GALNT17: variants seen among roughly 807,000 people sequenced by gnomAD.
GALNT17 encodes UDP-GalNAc:polypeptide N-acetylgalactosaminyltransferase-like 3.
Under a neutral mutation model 63.7 loss-of-function variants are expected in GALNT17, and 29 were observed. The observed-to-expected ratio is 0.46, with a 90% confidence interval of 0.34 to 0.62. The LOEUF (loss-of-function observed/expected upper bound fraction) is 0.62. Among genes scored for constraint, GALNT17 ranks in the 20% least tolerant of loss-of-function variants. The probability of loss-of-function intolerance (pLI) is 0.01; values close to 1 mark genes in which losing one functional copy is unlikely to be tolerated. For synonymous variants in GALNT17, 305 were observed against 318.3 expected (o/e 0.96, Z 0.45); for missense variants, 603 against 799.6 (o/e 0.75, Z 2.97).
chr7:71,485,218 G>A (rs1787891286), intron 5 of GALNT17, among the ~76,000 whole-genome samples: 1 of 151,826 alleles, frequency 6.6e-6, no homozygotes, highest in African/African-American at 2.4e-5. Flanking sequence ...CGATCCTCCT[G>A]CCTCAGCCTC....
intron 5 of GALNT17, among the ~76,000 whole-genome samples, chr7:71,431,332 T>C (rs1786862879): frequency 6.7e-6 from 1 of 148,648 alleles, no homozygotes; most frequent in African/African-American, 2.5e-5. Flanking sequence ...CGCCTCAGCC[T>C]CCTGAGTAGC....
intron 2 of GALNT17, among the ~76,000 whole-genome samples, chr7:71,379,637 G>A (rs747908263): frequency 1.8e-4 from 28 of 152,106 alleles, no homozygotes; most frequent in Admixed American, 3.9e-4. Flanking sequence ...ATGTTGAGGG[G>A]TCATGACTTG....
chr7:71,321,904 T>TTCCTTCCTTCCTTTCC (rs1791617393), intron 1 of GALNT17, among the ~76,000 whole-genome samples: 1 of 110,044 alleles, frequency 9.1e-6, no homozygotes, highest in Non-Finnish European at 1.9e-5. Flanking sequence ...CCTTCCTTCC[T>TTCCTTCCTTCCTTTCC]TCCTTCCTTC....
intron 6 of GALNT17, among the ~76,000 whole-genome samples, chr7:71,612,527 G>A (rs1394117467): frequency 6.6e-6 from 1 of 152,236 alleles, no homozygotes; most frequent in Non-Finnish European, 1.5e-5. Flanking sequence ...CTGATTAAGT[G>A]TGAGCTTTTT....
chr7:71,184,174 G>T (rs1788788117), intron 1 of GALNT17, among the ~76,000 whole-genome samples: 1 of 152,150 alleles, frequency 6.6e-6, no homozygotes, highest in Non-Finnish European at 1.5e-5. Context: ...AAGAGAGACT[G>T]ACCTCAAAAG....
At chr7:71,344,024 G>A (rs1166758039) in intron 2 of GALNT17, among the ~76,000 whole-genome samples, 5 of 152,080 alleles carry the variant, frequency 3.3e-5, no homozygotes, top group Non-Finnish European at 5.9e-5. Context: ...GTTTGGAGAA[G>A]AGCAAGGCAT....
chr7:71,602,663 G>A lies in GALNT17; in HGVS notation c.1080+31261G>A, dbSNP rs139841563. Among the ~76,000 whole-genome samples, 728 of 152,248 alleles carry A rather than the reference G, an allele frequency of 4.8e-3. 15 individuals are homozygous for A. Among genetic ancestry groups the A allele is most frequent in the African/African-American group, 0.017 (700 of 41,544 alleles). On this transcript the variant is annotated intron_variant, in intron 6 of 10. Coordinates refer to ENST00000333538, the MANE Select transcript of GALNT17 (RefSeq NM_022479.3). Reference sequence around the variant, plus strand: ...TAGCCATGTGGCAGGGGAGGTGACAGGCCAGATCATTTTCAGGCTCCCAGA... The same window carrying A: ...TAGCCATGTGGCAGGGGAGGTGACAAGCCAGATCATTTTCAGGCTCCCAGA...
intron 1 of GALNT17, among the ~76,000 whole-genome samples, chr7:71,242,470 A>G (rs914918192): frequency 5.9e-5 from 9 of 151,640 alleles, no homozygotes; most frequent in East Asian, 2.0e-4. Flanking sequence ...GGGTTTCACC[A>G]TGTTAGCCAG....
At chr7:71,571,032 G>A (rs1025326947) in intron 5 of GALNT17, among the ~76,000 whole-genome samples, 24 of 152,174 alleles carry the variant, frequency 1.6e-4, no homozygotes, top group Non-Finnish European at 2.6e-4. Context: ...GAGAGGAGGT[G>A]TGGGAATTGA....
At chr7:71,637,440 C>G (rs1377623857) in intron 6 of GALNT17, among the ~76,000 whole-genome samples, 1 of 151,580 alleles carries the variant, frequency 6.6e-6, no homozygotes, top group Admixed American at 6.6e-5. Flanking sequence ...CCACCTGCCT[C>G]GGCCTCCCAA....
At chr7:71,539,684 C>A (rs1312429651) in intron 5 of GALNT17, among the ~76,000 whole-genome samples, 1 of 117,580 alleles carries the variant, frequency 8.5e-6, no homozygotes, top group Non-Finnish European at 1.7e-5. Context: ...GGACACATAT[C>A]TATTTCAGGA....
At chr7:71,372,056 C>A (rs1172167890) in intron 2 of GALNT17, among the ~76,000 whole-genome samples, 1 of 152,348 alleles carries the variant, frequency 6.6e-6, no homozygotes, top group East Asian at 1.9e-4. Flanking sequence ...TCATAGCTCA[C>A]TGCCATCTTG....
chr7:71,265,632 T>G (rs1790479751), intron 1 of GALNT17, among the ~76,000 whole-genome samples: 1 of 152,110 alleles, frequency 6.6e-6, no homozygotes, highest in Admixed American at 6.6e-5. Context: ...CCCAAAGTGT[T>G]CTCTTCTAAG....
intron 6 of GALNT17, among the ~76,000 whole-genome samples, chr7:71,606,469 G>A (rs116767102): frequency 0.02 from 2,997 of 152,224 alleles, 110 homozygotes; most frequent in African/African-American, 0.069. Flanking sequence ...TTCCATCTGA[G>A]TGAGTTCCTG....
intron 1 of GALNT17, among the ~76,000 whole-genome samples, chr7:71,251,001 C>G (rs930797658): frequency 6.6e-6 from 1 of 152,120 alleles, no homozygotes; most frequent in African/African-American, 2.4e-5. Flanking sequence ...TAAGCATTTC[C>G]CCAACATGAC....
chr7:71,236,378 G>C (rs1443758165), intron 1 of GALNT17, among the ~76,000 whole-genome samples: 2 of 152,034 alleles, frequency 1.3e-5, no homozygotes, highest in Non-Finnish European at 2.9e-5. Flanking sequence ...AAACTGCTTT[G>C]TCAAGGCCAC....
intron 1 of GALNT17, among the ~76,000 whole-genome samples, chr7:71,191,422 G>A (rs914585122): frequency 1.1e-4 from 16 of 151,896 alleles, no homozygotes; most frequent in Non-Finnish European, 1.2e-4. Flanking sequence ...AATAAATATG[G>A]TAGACTTGCC....
At chr7:71,192,398 C>CT (rs375394634) in intron 1 of GALNT17, among the ~76,000 whole-genome samples, 7,397 of 144,356 alleles carry the variant, frequency 0.051, 572 homozygotes, top group African/African-American at 0.17. Context: ...ATATTTAATT[C>CT]TTTTTTTTTT....
Position 71,308,733 on chromosome 7 carries a change from A to G in GALNT17, c.239-26817A>G, listed in dbSNP as rs115428192. ...GGGCTCTGCTTTGGAAGTGCCTTTC[A>G]TTTCTCTTTAGTTTTTTTTTTTTTT... On this transcript the variant is annotated intron_variant, in intron 1 of 10. Coordinates refer to ENST00000333538, the MANE Select transcript of GALNT17 (RefSeq NM_022479.3). Among the ~76,000 whole-genome samples, 637 of 147,510 alleles carry G rather than the reference A, an allele frequency of 4.3e-3. 6 individuals are homozygous for G. The highest frequency in any genetic ancestry group is 0.015 in the African/African-American group (609 of 39,986).
Sources: gnomAD v4.1 joint callset for allele counts (sites outside exome capture counted in the v4.1 genomes callset) on GRCh38, gnomAD v4.1.1 for gene constraint, MANE v1.5 for transcripts, NCBI Gene and HGNC (gene_info 2026-07-23, HGNC 2026-07-21) for gene names.